Variants in RABGAP1L observed in about 807,000 individuals in gnomAD.
RABGAP1L encodes rab GTPase-activating protein 1-like.
RABGAP1L carries 63 observed loss-of-function variants against 137.7 expected under a neutral mutation model. The ratio of observed to expected loss-of-function variants is 0.46; its 90% CI spans 0.37 to 0.56. The LOEUF (loss-of-function observed/expected upper bound fraction) is 0.56, where lower values mean the gene tolerates loss of function less well. RABGAP1L is among the 20% of genes least tolerant of loss of function. The probability of loss-of-function intolerance (pLI) is 0.00; values close to 1 mark genes in which losing one functional copy is unlikely to be tolerated. For synonymous variants in RABGAP1L, 431 were observed against 433.7 expected (o/e 0.99, Z 0.08); for missense variants, 1,095 against 1,244.0 (o/e 0.88, Z 1.80).
At chr1:174,745,110 A>C (rs1683766977) in intron 17 of RABGAP1L, among the ~76,000 whole-genome samples, 1 of 152,210 alleles carries the variant, frequency 6.6e-6, no homozygotes, top group African/African-American at 2.4e-5. Context: ...ATTCACTTCC[A>C]GATGACTTCT....
intron 13 of RABGAP1L, among the ~76,000 whole-genome samples, chr1:174,433,972 G>C (rs763812756): frequency 4.6e-5 from 7 of 152,066 alleles, no homozygotes; most frequent in Non-Finnish European, 1.0e-4. Context: ...ACATTTTAAT[G>C]AGCTTTGACA....
chr1:174,247,704 G>A (rs999444955), intron 5 of RABGAP1L, among the ~76,000 whole-genome samples: 21 of 152,176 alleles, frequency 1.4e-4, no homozygotes, highest in Admixed American at 1.4e-3. Flanking sequence ...AAGCTAGGGT[G>A]GGAGGGCCAG....
At chr1:174,543,835 A>G (rs1329375409) in intron 13 of RABGAP1L, among the ~76,000 whole-genome samples, 1 of 152,126 alleles carries the variant, frequency 6.6e-6, no homozygotes, top group Non-Finnish European at 1.5e-5. Context: ...AAAGGATTTT[A>G]TTTCTCCTTC....
At chr1:174,901,750 A>ACT (rs1361651727) in intron 19 of RABGAP1L, among the ~76,000 whole-genome samples, 1 of 150,972 alleles carries the variant, frequency 6.6e-6, no homozygotes, top group Non-Finnish European at 1.5e-5. Context: ...AAGAGAACAG[A>ACT]CTCTCTGGCT....
chr1:174,547,708 A>G, intron 13 of RABGAP1L: 1 of 740,368 alleles, frequency 1.4e-6, no homozygotes. Context: ...GTTCTTTTAG[A>G]CATGGGGAAT....
intron 19 of RABGAP1L, among the ~76,000 whole-genome samples, chr1:174,892,141 A>G (rs566747872): frequency 7.6e-4 from 116 of 152,312 alleles, no homozygotes; most frequent in African/African-American, 2.7e-3. Context: ...TCCTGCAAGC[A>G]TCTCGCGTGG....
intron 15 of RABGAP1L, among the ~76,000 whole-genome samples, chr1:174,699,212 C>T (rs1041945769): frequency 6.6e-5 from 10 of 151,962 alleles, no homozygotes; most frequent in African/African-American, 2.2e-4. Flanking sequence ...AGGCTGGTCT[C>T]GAACTCCTGG....
intron 13 of RABGAP1L, among the ~76,000 whole-genome samples, chr1:174,424,145 C>T (rs1651678176): frequency 1.3e-5 from 2 of 152,158 alleles, no homozygotes; most frequent in African/African-American, 4.8e-5. Flanking sequence ...TTATGGCCTA[C>T]CTAGCATATA....
At chr1:174,814,252 G>A (rs1573325669) in intron 19 of RABGAP1L, among the ~76,000 whole-genome samples, 3 of 151,944 alleles carry the variant, frequency 2.0e-5, no homozygotes, top group African/African-American at 7.2e-5. Context: ...AGGTAAATAT[G>A]AATATTTTTA....
intron 13 of RABGAP1L, among the ~76,000 whole-genome samples, chr1:174,525,025 A>G (rs1572167849): frequency 6.6e-6 from 1 of 152,032 alleles, no homozygotes; most frequent in East Asian, 1.9e-4. Context: ...TGCTATTCCC[A>G]TGCTGTTTTG....
chr1:174,744,447 C>T (rs1683709086), intron 17 of RABGAP1L, among the ~76,000 whole-genome samples: 1 of 152,108 alleles, frequency 6.6e-6, no homozygotes, highest in Non-Finnish European at 1.5e-5. Context: ...ATCAGAGAAG[C>T]CAAATGGATT....
intron 13 of RABGAP1L, among the ~76,000 whole-genome samples, chr1:174,637,079 C>T (rs1674109250): frequency 6.6e-6 from 1 of 152,112 alleles, no homozygotes; most frequent in South Asian, 2.1e-4. Flanking sequence ...AAGAAACAGT[C>T]TAGTTTGCTT....
intron 13 of RABGAP1L, among the ~76,000 whole-genome samples, chr1:174,580,643 G>C (rs950042713): frequency 2.0e-5 from 3 of 152,102 alleles, no homozygotes; most frequent in African/African-American, 7.2e-5. Context: ...GGTGGGAGGA[G>C]GGGGGAGGGA....
chr1:174,416,031 T>TACACAC (rs1376099709), intron 13 of RABGAP1L, among the ~76,000 whole-genome samples: 1 of 123,524 alleles, frequency 8.1e-6, no homozygotes, highest in African/African-American at 4.5e-5. Flanking sequence ...TATATATATA[T>TACACAC]ATATACACAC....
intron 13 of RABGAP1L, among the ~76,000 whole-genome samples, chr1:174,568,637 A>C (rs1368340863): frequency 6.6e-6 from 1 of 152,166 alleles, no homozygotes; most frequent in Non-Finnish European, 1.5e-5. Context: ...AGGAGTGTGC[A>C]CTTGAATTTA....
chr1:174,762,202 A>G (rs1222349145), intron 18 of RABGAP1L, among the ~76,000 whole-genome samples: 1 of 152,170 alleles, frequency 6.6e-6, no homozygotes, highest in Admixed American at 6.5e-5. Context: ...TGCTCTTAGG[A>G]TAAAGTTCAC....
At chr1:174,824,905 A>G (rs944991398) in intron 19 of RABGAP1L, among the ~76,000 whole-genome samples, 1 of 152,196 alleles carries the variant, frequency 6.6e-6, no homozygotes, top group African/African-American at 2.4e-5. Flanking sequence ...ACATATCTCC[A>G]ACTGTTGTTT....
intron 1 of RABGAP1L, among the ~76,000 whole-genome samples, chr1:174,212,738 C>T (rs1012474890): frequency 4.0e-5 from 6 of 151,634 alleles, no homozygotes; most frequent in Non-Finnish European, 8.8e-5. Context: ...TATAATAGAT[C>T]AACAAAACCA....
At chr1:174,633,523 G>GA (rs1287341183) in intron 13 of RABGAP1L, among the ~76,000 whole-genome samples, 9 of 149,998 alleles carry the variant, frequency 6.0e-5, no homozygotes, top group African/African-American at 9.9e-5. Context: ...CACAGAATTG[G>GA]AAAAAACTAC....
Sources: gnomAD v4.1 joint callset for allele counts (sites outside exome capture counted in the v4.1 genomes callset) on GRCh38, gnomAD v4.1.1 for gene constraint, MANE v1.5 for transcripts, NCBI Gene and HGNC (gene_info 2026-07-23, HGNC 2026-07-21) for gene names.